The following MEN1 variants were observed in gnomAD, a reference collection of about 807,000 sequenced individuals.
MEN1 encodes menin.
MEN1 carries 6 observed loss-of-function variants against 58.0 expected under a neutral mutation model. That is an observed-to-expected ratio of 0.10 (90% confidence interval 0.06 to 0.20). MEN1 has a LOEUF of 0.20. Ranked by LOEUF, MEN1 falls within the 10% of genes least tolerant of loss-of-function variation. The pLI is 1.00. For missense variants in MEN1, 492 were observed against 818.5 expected (o/e 0.60, Z 4.87); for synonymous variants, 346 against 350.7 (o/e 0.99, Z 0.15).
At position 64,803,804 on chromosome 11, in the gene MEN1, T is replaced by C. The variant is rs967379721; in HGVS notation, c.*530A>G. 15 of 242,506 alleles carry C rather than the reference T, an allele frequency of 6.2e-5. No homozygotes were observed. In the Admixed American group the frequency reaches 7.1e-4, roughly 12 times the overall value. 15.0% of individuals were successfully genotyped at this position (242,506 alleles called of 1,614,324 possible). A position where few individuals can be genotyped will look rare whatever the true frequency, so the allele number is the denominator to read the frequency against. ...GATACGAAGGAGAGGAAACTAGGAT[T>C]TCCAAATTCTGGAGCAGGACTGAAG... On this transcript the variant is annotated 3_prime_UTR_variant, in exon 10 of 10. Transcript: ENST00000450708.
rs1482248002 is a variant in MEN1 at position 64,805,213 on chromosome 11, A to T, written c.1186-15T>A. 25 of 1,612,424 alleles carry T rather than the reference A, an allele frequency of 1.6e-5. No individual in the cohort carries two copies. The highest frequency in any genetic ancestry group is 2.1e-5 in the Non-Finnish European group (25 of 1,179,752). On this transcript the variant is annotated splice_polypyrimidine_tract_variant and intron_variant, in intron 8 of 9. Coordinates refer to ENST00000450708, the MANE Select transcript of MEN1 (RefSeq NM_001370259.2). Reference sequence around the variant, plus strand: ...CTCTGGGTGCCCTGGACGAGGGGGAAGGGAGGGCACAGATCAGTCTCTTAC... The same window carrying T: ...CTCTGGGTGCCCTGGACGAGGGGGATGGGAGGGCACAGATCAGTCTCTTAC...
Position 64,805,194 on chromosome 11 carries a change from G to A in MEN1, c.1190C>T (p.Thr397Ile), listed in dbSNP as rs1941628720. Residue 397 changes from threonine to isoleucine, a missense_variant, in exon 9 of 10, where the codon ACC (threonine) becomes ATC (isoleucine). By Grantham distance (89) the Thr-to-Ile change is moderately conservative. This residue lies in a region of MEN1 where 335 missense variants were observed against 550.3 expected (regional missense o/e 0.61). Transcript: ENST00000450708. ...EERPGEQSQG[T>I]QSQGSALQDP... ...CTGGAGGGCGGAACCTTGGCTCTGG[G>A]TGCCCTGGACGAGGGGGAAGGGAGG... 1 of 1,613,474 alleles carries A rather than the reference G, an allele frequency of 6.2e-7. No homozygotes were observed. Among genetic ancestry groups the A allele is most frequent in the Non-Finnish European group, 8.5e-7 (1 of 1,179,982 alleles).
rs1298628314 is a variant in MEN1, at chr11:64,804,604, A to T, written c.1563T>A (p.Thr521=). 6.2e-7 allele frequency: 1 copy of T among 1,610,768 alleles called. No individual in the cohort carries two copies. The highest frequency in any genetic ancestry group is 1.1e-5 in the South Asian group (1 of 91,040). The change falls in exon 10 of 10, where the codon ACT becomes ACA. Residue 521 remains threonine, a synonymous_variant. Coordinates refer to ENST00000450708, the MANE Select transcript of MEN1 (RefSeq NM_001370259.2). The surrounding 1 kb of genome is among the most constrained non-coding windows in gnomAD (Gnocchi z 4.2). ...VSGPPRKPPG[T]VAGTARGPEG... Reference sequence around the variant, plus strand: ...CAGGGCCTCGGGCTGTGCCAGCGACAGTCCCAGGAGGCTTCCGGGGGGGTC... The same window carrying T: ...CAGGGCCTCGGGCTGTGCCAGCGACTGTCCCAGGAGGCTTCCGGGGGGGTC...
chr11:64,806,211 C>T, intron 7 of MEN1, 21 bp downstream of exon 7: 1 of 1,613,822 alleles, frequency 6.2e-7, no homozygotes, highest in African/African-American at 1.3e-5. Flanking sequence ...AGGCTGCAGG[C>T]CCTAGTAGGG....
Position 64,807,135 on chromosome 11 carries a change from C to A in MEN1, c.825-37G>T. ...TCATAATTCAGGCTGCCACCCAGCCCCCCGGCCTCACCAGGCGCAGCCTGG... is the reference window on the plus strand; with the variant it reads ...TCATAATTCAGGCTGCCACCCAGCCACCCGGCCTCACCAGGCGCAGCCTGG... On this transcript the variant is annotated intron_variant, in intron 5 of 9. Coordinates refer to ENST00000450708, the MANE Select transcript of MEN1 (RefSeq NM_001370259.2). The surrounding 1 kb of genome is among the most constrained non-coding windows in gnomAD (Gnocchi z 4.9). 6.2e-7 allele frequency: 1 copy of A among 1,614,026 alleles called. No homozygotes were observed. Among genetic ancestry groups the A allele is most frequent in the Non-Finnish European group, 8.5e-7 (1 of 1,179,908 alleles).
In MEN1 at chr11:64,807,357, T is replaced by G; in HGVS notation, c.784-138A>C. ...GGGCCAAAATTCTGGGACCAGCCCT[T>G]TAATGGAGTCAAAGCAATTTCACAT... is the stretch of plus-strand genomic sequence containing the variant. On this transcript the variant is annotated intron_variant, in intron 4 of 9. Transcript: ENST00000450708. The surrounding 1 kb of genome is among the most constrained non-coding windows in gnomAD (Gnocchi z 4.9). The G allele has an allele frequency of 8.7e-7, 1 of 1,146,078 alleles. No homozygotes were observed. Among genetic ancestry groups the G allele is most frequent in the East Asian group, 2.5e-5 (1 of 39,526 alleles). The allele number at this position is 1,146,078 out of a possible 1,614,324, so 71.0% of individuals were successfully genotyped here.
At chr11:64,805,287 C>A (rs116625603) in intron 8 of MEN1, 89 bp from the exon 9 acceptor site, 3 of 1,452,014 alleles carry the variant, frequency 2.1e-6, no homozygotes, top group Admixed American at 4.0e-5. Context: ...TAGGCAAAGA[C>A]CCCTGGCTCC....
intron 2 of MEN1, 91 bp from the exon 3 acceptor site, chr11:64,808,190 TC>T: frequency 8.1e-7 from 1 of 1,239,626 alleles, no homozygotes; most frequent in Non-Finnish European, 1.1e-6. Flanking sequence ...TCCCTCCCAC[TC>T]CCTTTCCAAG....
At chr11:64,808,816 C>T (rs534787315) in intron 2 of MEN1, among the ~76,000 whole-genome samples, 6 of 152,176 alleles carry the variant, frequency 3.9e-5, no homozygotes, top group Non-Finnish European at 5.9e-5. Context: ...GGCATGGTGG[C>T]AGGCTCCTGT....
At position 64,806,221 on chromosome 11, in the gene MEN1, G is replaced by T. The variant is rs1229329826; in HGVS notation, c.1049+11C>A. The T allele has an allele frequency of 2.5e-6, 4 of 1,613,932 alleles. No homozygotes were observed. The highest frequency in any genetic ancestry group is 1.1e-5 in the South Asian group (1 of 91,074). On this transcript the variant is annotated intron_variant, in intron 7 of 9. Transcript: ENST00000450708. ...AGGACAGGCTGCAGGCCCTAGTAGG[G>T]GGATCCTCACTCCTGGATGACAGTG... is the stretch of plus-strand genomic sequence containing the variant.
chr11:64,806,136 G>A, intron 7 of MEN1, 96 bp downstream of exon 7: 1 of 1,523,480 alleles, frequency 6.6e-7, no homozygotes, highest in Non-Finnish European at 9.0e-7. Context: ...AGGGGATGGG[G>A]CGTGGGAGCC....
chr11:64,810,275 C>T (rs939292575), intron 1 of MEN1, 143 bp from the exon 2 acceptor site: 18 of 622,730 alleles, frequency 2.9e-5, no homozygotes, highest in African/African-American at 2.8e-4. Context: ...CACCGGCTTC[C>T]CCTCTTTTGT....
In MEN1 at chr11:64,804,935, G is replaced by C. The variant is rs1941590250; in HGVS notation, c.1350+99C>G. The C allele has an allele frequency of 1.3e-6, 2 of 1,598,224 alleles. No individual in the cohort carries two copies. The highest frequency in any genetic ancestry group is 8.5e-7 in the Non-Finnish European group (1 of 1,178,350). ...GGTCTCAGTCCCATCGGCACCCAAG[G>C]GGATGGGCAGATGCTGCCCCTGGGC... On this transcript the variant is annotated intron_variant, in intron 9 of 9. Transcript: ENST00000450708. The surrounding 1 kb of genome is among the most constrained non-coding windows in gnomAD (Gnocchi z 4.2).
chr11:64,804,956 T>A lies in MEN1; in HGVS notation c.1350+78A>T. The A allele has an allele frequency of 6.2e-7, 1 of 1,601,818 alleles. No individual in the cohort carries two copies. Reference sequence around the variant, plus strand: ...CAAGGGGATGGGCAGATGCTGCCCCTGGGCCAGAAAAGTCTGACAAGCCCG... The same window carrying A: ...CAAGGGGATGGGCAGATGCTGCCCCAGGGCCAGAAAAGTCTGACAAGCCCG... On this transcript the variant is annotated intron_variant, in intron 9 of 9. Coordinates refer to ENST00000450708, the MANE Select transcript of MEN1 (RefSeq NM_001370259.2). This position sits in a 1 kb window ranked among gnomAD's most constrained non-coding sequence, Gnocchi z 4.2.
intron 2 of MEN1, among the ~76,000 whole-genome samples, chr11:64,809,249 G>A (rs558764904): frequency 6.4e-4 from 86 of 133,502 alleles, no homozygotes; most frequent in African/African-American, 2.3e-3. Context: ...GGGGGACAGA[G>A]TGAGACCCTG....
In MEN1 at chr11:64,810,126, C is replaced by T; in HGVS notation, c.-17G>A. 1.4e-6 allele frequency: 1 copy of T among 705,834 alleles called. No homozygotes were observed. Among genetic ancestry groups the T allele is most frequent in the Non-Finnish European group, 2.0e-6 (1 of 494,106 alleles). 43.7% of individuals were successfully genotyped at this position (705,834 alleles called of 1,614,324 possible). A position where few individuals can be genotyped will look rare whatever the true frequency, so the allele number is the denominator to read the frequency against. On this transcript the variant is annotated 5_prime_UTR_variant, in exon 2 of 10. Transcript: ENST00000450708. ...CAGCCCCATGGCGGCGGGCGGTGGGCGGCGGCCTGCAAGGCAAGCCGGGGG... is the reference window on the plus strand; with the variant it reads ...CAGCCCCATGGCGGCGGGCGGTGGGTGGCGGCCTGCAAGGCAAGCCGGGGG...
rs2959656 is a variant in MEN1 at position 64,804,546 on chromosome 11, T to C, written c.1621A>G (p.Thr541Ala). The C allele has an allele frequency of 0.97, 1,564,777 of 1,613,650 alleles. 763,565 individuals are homozygous for C. Among genetic ancestry groups the C allele is most frequent in the Non-Finnish European group, 1 (1,176,474 of 1,180,028 alleles). The change falls in exon 10 of 10, where the codon ACA becomes GCA. Residue 541 changes from threonine (T) to alanine (A), a missense_variant. Physicochemically the swap from Thr to Ala is moderately conservative, Grantham distance 58 (BLOSUM62 0). Transcript: ENST00000450708. The surrounding 1 kb of genome is among the most constrained non-coding windows in gnomAD (Gnocchi z 4.2). ...GGSTAQVPAPTASPPPEGPVL... is the reference protein window; with the variant it reads ...GGSTAQVPAPAASPPPEGPVL... ...GGACCCTCCGGCGGTGGTGATGCTG[T>C]GGGTGCTGGCACCTGAGCCGTGCTG...
intron 1 of MEN1, 122 bp downstream of exon 1, chr11:64,810,392 A>C: frequency 6.1e-6 from 3 of 490,472 alleles, no homozygotes; most frequent in East Asian, 3.5e-5. Flanking sequence ...AGGAGCCCCA[A>C]TGGCCGCCCC....
intron 7 of MEN1, chr11:64,805,992 A>C: frequency 1.5e-6 from 1 of 650,900 alleles, no homozygotes; most frequent in South Asian, 1.9e-5. Flanking sequence ...TGGTGGTTAA[A>C]CATTGGAGAT....
Sources: allele counts gnomAD v4.1 joint callset (sites outside exome capture counted in the v4.1 genomes callset), GRCh38; gene constraint gnomAD v4.1.1; regional missense constraint gnomAD v4.1.1; non-coding constraint Gnocchi (gnomAD v3.1); transcripts MANE v1.5; gene names NCBI Gene and HGNC (gene_info 2026-07-23, HGNC 2026-07-21).